The following ASIC2 variants were observed in gnomAD, a reference collection of about 807,000 sequenced individuals.
ASIC2 encodes acid-sensing ion channel 2.
A neutral mutation model predicts 57.3 loss-of-function variants in ASIC2; 25 were observed. The ratio of observed to expected loss-of-function variants is 0.44; its 90% confidence interval spans 0.32 to 0.61. The LOEUF (loss-of-function observed/expected upper bound fraction) is 0.61. ASIC2 is among the 20% of genes least tolerant of loss of function. The pLI, the probability that ASIC2 is intolerant of heterozygous loss-of-function variation, is 0.06. For synonymous variants in ASIC2, 319 were observed against 307.5 expected (o/e 1.04, Z -0.39); for missense variants, 641 against 738.1 (o/e 0.87, Z 1.52).
At chr17:33,421,365 A>G (rs1463327672) in intron 1 of ASIC2, among the ~76,000 whole-genome samples, 2 of 152,236 alleles carry the variant, frequency 1.3e-5, no homozygotes, top group African/African-American at 4.8e-5. Flanking sequence ...TCCCATCCAT[A>G]TCCTTGATGA....
At chr17:33,060,418 A>T (rs953623775) in intron 3 of ASIC2, among the ~76,000 whole-genome samples, 1 of 152,212 alleles carries the variant, frequency 6.6e-6, no homozygotes, top group African/African-American at 2.4e-5. Context: ...TTGAATAGGG[A>T]ATCCTTTCCC....
In ASIC2 at chr17:33,802,032, C is replaced by T. The variant is rs116963749; in HGVS notation, c.555+353946G>A. Among the ~76,000 whole-genome samples the T allele has an allele frequency of 3.8e-3, 585 of 152,274 alleles. 1 individual carries two copies. The highest frequency in any genetic ancestry group is 6.5e-3 in the Non-Finnish European group (440 of 68,008). Reference sequence around the variant, plus strand: ...ACAGCTGTTAGTTCCCTGGGAAAGACATGGAGAGAAGGTGTTTTGATTTTC... The same window carrying T: ...ACAGCTGTTAGTTCCCTGGGAAAGATATGGAGAGAAGGTGTTTTGATTTTC... On this transcript the variant is annotated intron_variant, in intron 1 of 9. Transcript: ENST00000359872.
rs1438065585 is a variant in ASIC2 at position 33,307,294 on chromosome 17, TC to T, written c.556-195228del. ...TCCTCTTCCTTCTTCTTCTTCTTCT[TC>T]TTCTTCTTCTTTTTCTTCTTCGTCT... is the stretch of plus-strand genomic sequence containing the variant. On this transcript the variant is annotated intron_variant, in intron 1 of 9. Coordinates refer to the ASIC2 transcript ENST00000359872. Among the ~76,000 whole-genome samples, 8 of 151,580 alleles carry T rather than the reference TC, an allele frequency of 5.3e-5. No individual in the cohort carries two copies. In the East Asian group the frequency reaches 1.6e-3, roughly 29 times the overall value.
At chr17:33,200,839 A>G (rs971443380) in intron 1 of ASIC2, among the ~76,000 whole-genome samples, 1 of 152,138 alleles carries the variant, frequency 6.6e-6, no homozygotes, top group Admixed American at 6.5e-5. Flanking sequence ...CCTCAGAGTA[A>G]TGCTAGATTC....
chr17:33,762,807 G>A lies in ASIC2; in HGVS notation c.555+393171C>T, dbSNP rs111939917. 2.5e-4 allele frequency among the ~76,000 whole-genome samples: 38 copies of A among 152,324 alleles called. 2 individuals are homozygous for A. Among genetic ancestry groups the A allele is most frequent in the African/African-American group, 9.1e-4 (38 of 41,566 alleles). On this transcript the variant is annotated intron_variant, in intron 1 of 9. Transcript: ENST00000359872. ...AGCAGCCATGGTTGGGGATGAATATGTGAGGAGAGAAAAAGGTTGCAGATG... is the reference window on the plus strand; with the variant it reads ...AGCAGCCATGGTTGGGGATGAATATATGAGGAGAGAAAAAGGTTGCAGATG...
intron 1 of ASIC2, among the ~76,000 whole-genome samples, chr17:33,627,702 T>C (rs1567673343): frequency 6.6e-6 from 1 of 152,226 alleles, no homozygotes; most frequent in Non-Finnish European, 1.5e-5. Flanking sequence ...GGCGGCTGGT[T>C]TATTCAACAT....
chr17:33,813,088 A>G (rs1011619668), intron 1 of ASIC2, among the ~76,000 whole-genome samples: 1 of 152,204 alleles, frequency 6.6e-6, no homozygotes, highest in Non-Finnish European at 1.5e-5. Flanking sequence ...GACAGAGAGC[A>G]TCATCCATGA....
At chr17:33,246,100 T>C (rs1395585306) in intron 1 of ASIC2, among the ~76,000 whole-genome samples, 1 of 150,836 alleles carries the variant, frequency 6.6e-6, no homozygotes, top group African/African-American at 2.4e-5. Context: ...AATTTAGAAA[T>C]GCTGGTTTGG....
At chr17:33,980,582 C>T (rs1905577138) in intron 1 of ASIC2, among the ~76,000 whole-genome samples, 1 of 152,146 alleles carries the variant, frequency 6.6e-6, no homozygotes, top group Admixed American at 6.5e-5. Flanking sequence ...GTGGTGGATG[C>T]TGTGATGTGC....
chr17:33,105,573 A>G (rs1234486668), intron 2 of ASIC2, among the ~76,000 whole-genome samples: 1 of 152,238 alleles, frequency 6.6e-6, no homozygotes, highest in Non-Finnish European at 1.5e-5. Flanking sequence ...AAATGTGGAA[A>G]ACACTTTGGA....
At chr17:33,181,442 T>G (rs1017213806) in intron 1 of ASIC2, among the ~76,000 whole-genome samples, 4 of 152,194 alleles carry the variant, frequency 2.6e-5, no homozygotes, top group Non-Finnish European at 4.4e-5. Flanking sequence ...AAGTTTATTC[T>G]GTCACAGTTC....
intron 1 of ASIC2, among the ~76,000 whole-genome samples, chr17:33,180,609 G>A (rs921309700): frequency 6.6e-6 from 1 of 152,118 alleles, no homozygotes; most frequent in East Asian, 1.9e-4. Context: ...GGGAGTCCAG[G>A]AATCACCACC....
At chr17:34,128,946 A>G (rs570401176) in intron 1 of ASIC2, among the ~76,000 whole-genome samples, 2 of 152,122 alleles carry the variant, frequency 1.3e-5, no homozygotes, top group East Asian at 1.9e-4. Context: ...GTTATTTTTC[A>G]TATCAACAAG....
At chr17:33,927,301 T>A (rs960779000) in intron 1 of ASIC2, among the ~76,000 whole-genome samples, 2 of 152,192 alleles carry the variant, frequency 1.3e-5, no homozygotes, top group Non-Finnish European at 2.9e-5. Context: ...CTCACTAAGG[T>A]CTGAATGCTG....
At chr17:33,579,037 G>A (rs1030561400) in intron 1 of ASIC2, among the ~76,000 whole-genome samples, 38 of 152,108 alleles carry the variant, frequency 2.5e-4, no homozygotes, top group Non-Finnish European at 5.3e-4. Flanking sequence ...TGTAATCCCA[G>A]CACTTTGGGA....
chr17:33,454,409 G>T (rs887581042), intron 1 of ASIC2, among the ~76,000 whole-genome samples: 1 of 152,230 alleles, frequency 6.6e-6, no homozygotes, highest in Non-Finnish European at 1.5e-5. Context: ...GACAGACTTT[G>T]TGGAGGCAGG....
At position 33,523,658 on chromosome 17, in the gene ASIC2, C is replaced by T. The variant is rs538076897; in HGVS notation, c.556-411591G>A. Among the ~76,000 whole-genome samples the T allele has an allele frequency of 3.9e-5, 6 of 152,312 alleles. No homozygotes were observed. In the South Asian group the frequency reaches 1.2e-3, roughly 32 times the overall value. On this transcript the variant is annotated intron_variant, in intron 1 of 9. Coordinates refer to the ASIC2 transcript ENST00000359872. ...GCTTGGCTTCTGGCAGGTTCCCCTTCCCATGTGAACACTGACTCAGAAAAT... is the reference window on the plus strand; with the variant it reads ...GCTTGGCTTCTGGCAGGTTCCCCTTTCCATGTGAACACTGACTCAGAAAAT...
At chr17:33,752,411 A>G (rs1910463988) in intron 1 of ASIC2, among the ~76,000 whole-genome samples, 1 of 152,202 alleles carries the variant, frequency 6.6e-6, no homozygotes, top group Non-Finnish European at 1.5e-5. Context: ...GGTGGTTAGA[A>G]GAATGAAAAG....
intron 1 of ASIC2, among the ~76,000 whole-genome samples, chr17:34,076,786 C>G (rs1342424747): frequency 6.6e-6 from 1 of 152,338 alleles, no homozygotes; most frequent in Non-Finnish European, 1.5e-5. Flanking sequence ...AAGCCACTTG[C>G]TTGCTTCACA....
Sources: gnomAD v4.1 joint callset for allele counts (sites outside exome capture counted in the v4.1 genomes callset) on GRCh38, gnomAD v4.1.1 for gene constraint, MANE v1.5 for transcripts, NCBI Gene and HGNC (gene_info 2026-07-23, HGNC 2026-07-21) for gene names.